The following MED13L variants were observed in gnomAD, a reference collection of about 807,000 sequenced individuals.
MED13L encodes the protein mediator of RNA polymerase II transcription subunit 13-like.
A neutral mutation model predicts 220.9 loss-of-function variants in MED13L; 7 were observed. The observed-to-expected ratio is 0.03, with a 90% confidence interval of 0.02 to 0.06. The LOEUF (loss-of-function observed/expected upper bound fraction) is 0.06, where lower values mean the gene tolerates loss of function less well. MED13L is among the 10% of genes least tolerant of loss of function. The probability of loss-of-function intolerance (pLI) is 1.00; values close to 1 mark genes in which losing one functional copy is unlikely to be tolerated. For synonymous variants in MED13L, 1,011 were observed against 1,015.2 expected (o/e 1.00, Z 0.08); for missense variants, 1,965 against 2,760.5 (o/e 0.71, Z 6.46).
intron 1 of MED13L, chr12:116,276,628 C>A: frequency 8.4e-7 from 1 of 1,191,684 alleles, no homozygotes; most frequent in Non-Finnish European, 1.1e-6. Flanking sequence ...GGCAGGCGGG[C>A]GGGCAGGCAG....
intron 2 of MED13L, among the ~76,000 whole-genome samples, chr12:116,175,334 A>G (rs1283377661): frequency 6.6e-6 from 1 of 152,182 alleles, no homozygotes; most frequent in African/African-American, 2.4e-5. Context: ...ATAAAGGTAT[A>G]ATCACTCCAC....
At chr12:116,227,191 C>T (rs1427840879) in intron 2 of MED13L, among the ~76,000 whole-genome samples, 1 of 152,108 alleles carries the variant, frequency 6.6e-6, no homozygotes. Context: ...TTCTGCTTCA[C>T]CAATAGTTTT....
chr12:116,162,866 T>G (rs77014903), intron 2 of MED13L, among the ~76,000 whole-genome samples: 1 of 152,152 alleles, frequency 6.6e-6, no homozygotes, highest in African/African-American at 2.4e-5. Context: ...GAACTGATCA[T>G]TGAAGTCTTA....
intron 1 of MED13L, 33 bp downstream of exon 1, chr12:116,277,022 CCCCGG>C: frequency 1.1e-5 from 11 of 1,006,422 alleles, no homozygotes; most frequent in Non-Finnish European, 1.4e-5. Context: ...CCCCCCCCTT[CCCCGG>C]CACAGCCCCC....
chr12:116,237,791 G>C, intron 1 of MED13L, 86 bp from the exon 2 acceptor site: 2 of 1,156,156 alleles, frequency 1.7e-6, no homozygotes, highest in Non-Finnish European at 2.6e-6. Context: ...AAGCAATTGT[G>C]CTAAAATAAA....
chr12:116,225,598 G>A (rs1430172757), intron 2 of MED13L, among the ~76,000 whole-genome samples: 2 of 152,134 alleles, frequency 1.3e-5, no homozygotes, highest in Non-Finnish European at 2.9e-5. Flanking sequence ...AAAATATAGT[G>A]CCTGAAATTT....
chr12:116,146,603 G>A (rs570510276), intron 2 of MED13L, among the ~76,000 whole-genome samples: 7 of 152,024 alleles, frequency 4.6e-5, no homozygotes, highest in African/African-American at 1.4e-4. Flanking sequence ...GGTGACTCAC[G>A]CTTGTAATCC....
intron 25 of MED13L, 116 bp from the exon 26 acceptor site, chr12:115,972,352 AATT>A: frequency 8.2e-7 from 1 of 1,216,596 alleles, no homozygotes; most frequent in Non-Finnish European, 1.2e-6. Flanking sequence ...CCCTAAAGGG[AATT>A]ATGGCTTTAC....
chr12:116,264,823 C>G (rs1256961562), intron 1 of MED13L, among the ~76,000 whole-genome samples: 1 of 152,132 alleles, frequency 6.6e-6, no homozygotes, highest in African/African-American at 2.4e-5. Flanking sequence ...CACAATCAAC[C>G]TTCTGAATCA....
chr12:116,108,578 G>A (rs1873802530), intron 3 of MED13L, among the ~76,000 whole-genome samples: 1 of 151,956 alleles, frequency 6.6e-6, no homozygotes, highest in Admixed American at 6.6e-5. Flanking sequence ...ATAGAACAAA[G>A]TTACATTAAG....
chr12:116,091,809 A>T (rs537822712), intron 4 of MED13L, among the ~76,000 whole-genome samples: 1 of 152,308 alleles, frequency 6.6e-6, no homozygotes, highest in South Asian at 2.1e-4. Context: ...GACACAGCTG[A>T]TCAATCTTGA....
In MED13L at chr12:115,958,610, T is replaced by C. The variant is rs1049880879; in HGVS notation, c.*2656A>G. 9 of 152,160 alleles carry C rather than the reference T, an allele frequency of 5.9e-5. No individual in the cohort carries two copies. The highest frequency in any genetic ancestry group is 2.2e-4 in the African/African-American group (9 of 41,442). 9.4% of individuals were successfully genotyped at this position (152,160 alleles called of 1,614,324 possible). On this transcript the variant is annotated 3_prime_UTR_variant, in exon 31 of 31. Transcript: ENST00000281928. ...TCAATAATTTATTCCTCTAAAAAAGTGTGTAAAAGTATATAGCTCTCATCC... is the reference window on the plus strand; with the variant it reads ...TCAATAATTTATTCCTCTAAAAAAGCGTGTAAAAGTATATAGCTCTCATCC...
intron 4 of MED13L, among the ~76,000 whole-genome samples, chr12:116,074,015 T>G (rs1178164990): frequency 6.6e-6 from 1 of 152,234 alleles, no homozygotes; most frequent in East Asian, 1.9e-4. Context: ...AGCCGTTTTC[T>G]CACGATTTAT....
chr12:115,989,253 G>C (rs973261900), intron 17 of MED13L, among the ~76,000 whole-genome samples: 2 of 152,132 alleles, frequency 1.3e-5, no homozygotes, highest in Non-Finnish European at 2.9e-5. Context: ...CCACTCTACA[G>C]AAACAGCTCT....
chr12:116,105,668 G>A (rs1392459548), intron 3 of MED13L, among the ~76,000 whole-genome samples: 1 of 152,112 alleles, frequency 6.6e-6, no homozygotes, highest in Non-Finnish European at 1.5e-5. Context: ...AACATAACTG[G>A]CCAGCTGTCT....
At position 116,003,081 on chromosome 12, in the gene MED13L, A is replaced by T; in HGVS notation, c.2491T>A (p.Ser831Thr). The T allele has an allele frequency of 6.2e-7, 1 of 1,614,138 alleles. No individual in the cohort carries two copies. Among genetic ancestry groups the T allele is most frequent in the Non-Finnish European group, 8.5e-7 (1 of 1,179,956 alleles). ...GTCCCAACTGCAGGCATTTTTGATG[A>T]GCGCAGAGCAGGTGATACAGCCTAA... ...ELGAVSPALR[S>T]SKMPAVGTED... Residue 831 changes from serine (S) to threonine (T), a missense_variant, in exon 14 of 31, where the codon TCA becomes ACA. Transcript: ENST00000281928.
chr12:116,150,293 C>A (rs1877936823), intron 2 of MED13L, among the ~76,000 whole-genome samples: 1 of 152,168 alleles, frequency 6.6e-6, no homozygotes, highest in Non-Finnish European at 1.5e-5. Context: ...CCGCCTAAGG[C>A]CAGAGCCTAC....
intron 2 of MED13L, among the ~76,000 whole-genome samples, chr12:116,171,270 G>A (rs12306798): frequency 0.019 from 2,835 of 152,234 alleles, 85 homozygotes; most frequent in African/African-American, 0.066. Flanking sequence ...AGTGATGCCT[G>A]GAACAGCCAC....
chr12:116,137,725 C>G (rs1309708604), intron 2 of MED13L, among the ~76,000 whole-genome samples: 3 of 152,014 alleles, frequency 2.0e-5, no homozygotes, highest in African/African-American at 7.3e-5. Context: ...TTGCCTCCAT[C>G]TAGACTATGG....
Sources: gnomAD v4.1 joint callset for allele counts (sites outside exome capture counted in the v4.1 genomes callset) on GRCh38, gnomAD v4.1.1 for gene constraint, MANE v1.5 for transcripts, NCBI Gene and HGNC (gene_info 2026-07-23, HGNC 2026-07-21) for gene names.